CDK8: variants seen among roughly 807,000 people sequenced by gnomAD.
The protein encoded by CDK8 is cyclin dependent kinase 8.
Under a neutral mutation model 71.5 loss-of-function variants are expected in CDK8, and 29 were observed. The ratio of observed to expected loss-of-function variants is 0.41; its 90% CI spans 0.30 to 0.55. CDK8 has a LOEUF of 0.55. Ranked by LOEUF, CDK8 falls within the 20% of genes least tolerant of loss-of-function variation. The pLI is 0.37. For missense variants in CDK8, 288 were observed against 572.6 expected, an observed-to-expected ratio of 0.50 and a Z score of 5.07; for synonymous variants, 161 against 192.1, an observed-to-expected ratio of 0.84 and a Z score of 1.34.
chr13:26,317,924 A>G (rs1037990483), intron 1 of CDK8, among the ~76,000 whole-genome samples: 4 of 152,080 alleles, frequency 2.6e-5, no homozygotes, highest in Non-Finnish European at 4.4e-5. Flanking sequence ...AAGGAAATAA[A>G]AGAGTAGGGG....
intron 1 of CDK8, among the ~76,000 whole-genome samples, chr13:26,325,769 A>AT (rs1257786943): frequency 6.6e-6 from 1 of 152,152 alleles, no homozygotes; most frequent in Admixed American, 6.5e-5. Context: ...TATGATTATC[A>AT]GTGGGGTTCA....
chr13:26,367,139 T>C (rs954174989), intron 4 of CDK8, among the ~76,000 whole-genome samples: 1 of 152,176 alleles, frequency 6.6e-6, no homozygotes, highest in Non-Finnish European at 1.5e-5. Flanking sequence ...CTTCCTTGAT[T>C]GGTCTTCTCT....
At chr13:26,273,122 G>A (rs1302151923) in intron 1 of CDK8, among the ~76,000 whole-genome samples, 3 of 152,072 alleles carry the variant, frequency 2.0e-5, no homozygotes, top group Non-Finnish European at 4.4e-5. Context: ...GGTCTCTAAG[G>A]GGTTGAACTT....
At chr13:26,329,878 T>C (rs1159771807) in intron 1 of CDK8, among the ~76,000 whole-genome samples, 1 of 152,208 alleles carries the variant, frequency 6.6e-6, no homozygotes, top group Non-Finnish European at 1.5e-5. Flanking sequence ...TTTAGTGATA[T>C]TAAACTACTT....
intron 1 of CDK8, among the ~76,000 whole-genome samples, chr13:26,335,181 TTG>T (rs1872924326): frequency 6.6e-6 from 1 of 152,330 alleles, no homozygotes; most frequent in South Asian, 2.1e-4. Context: ...CTTACATATG[TTG>T]TCTTAGTTTA....
chr13:26,376,934 C>T (rs139401262), intron 4 of CDK8, among the ~76,000 whole-genome samples: 45 of 152,082 alleles, frequency 3.0e-4, no homozygotes, highest in East Asian at 1.9e-3. Flanking sequence ...TAGAAATAGA[C>T]GAAAGCAAAA....
Position 26,400,507 on chromosome 13 carries a change from A to C in CDK8, c.988A>C (p.Met330Leu). The change falls in exon 10 of 13, where the codon ATG (methionine) becomes CTG (leucine). Residue 330 changes from methionine to leucine, a missense_variant. Coordinates refer to ENST00000381527, the MANE Select transcript of CDK8 (RefSeq NM_001260.3). ...PIKRITSEQA[M>L]QDPYFLEDPL... The stretch of plus-strand genomic sequence containing the variant: ...AAAGCGAATTACCTCAGAACAGGCT[A>C]TGCAGGACCCCTATTTCTTAGAAGA... 6.2e-7 allele frequency: 1 copy of C among 1,613,474 alleles called. No homozygotes were observed. The highest frequency in any genetic ancestry group is 8.5e-7 in the Non-Finnish European group (1 of 1,179,504).
chr13:26,345,407 A>C (rs1873421297), intron 2 of CDK8, among the ~76,000 whole-genome samples: 1 of 152,008 alleles, frequency 6.6e-6, no homozygotes, highest in African/African-American at 2.4e-5. Flanking sequence ...ATTGAGATGG[A>C]GCCTCACTCT....
intron 1 of CDK8, among the ~76,000 whole-genome samples, chr13:26,279,634 TA>T (rs1566469272): frequency 6.6e-6 from 1 of 152,104 alleles, no homozygotes. Context: ...GGGATTCAAT[TA>T]AAAAAAGACT....
At chr13:26,267,750 A>G (rs1244358110) in intron 1 of CDK8, among the ~76,000 whole-genome samples, 1 of 152,224 alleles carries the variant, frequency 6.6e-6, no homozygotes, top group Non-Finnish European at 1.5e-5. Flanking sequence ...ACAGAACTGC[A>G]ATAAATGTCC....
intron 1 of CDK8, among the ~76,000 whole-genome samples, chr13:26,272,558 C>T (rs1872378738): frequency 6.6e-6 from 1 of 152,154 alleles, no homozygotes; most frequent in African/African-American, 2.4e-5. Context: ...AAGAATAAGT[C>T]AAACTGGAGT....
chr13:26,369,810 C>T (rs1874580254), intron 4 of CDK8, among the ~76,000 whole-genome samples: 1 of 150,840 alleles, frequency 6.6e-6, no homozygotes, highest in Non-Finnish European at 1.5e-5. Flanking sequence ...CCCAGCTCGG[C>T]CTCCCAAAGT....
chr13:26,258,023 G>A (rs1212045871), intron 1 of CDK8, among the ~76,000 whole-genome samples: 1 of 151,964 alleles, frequency 6.6e-6, no homozygotes, highest in African/African-American at 2.4e-5. Flanking sequence ...CTAAATTACT[G>A]AGTAATTAAG....
intron 4 of CDK8, among the ~76,000 whole-genome samples, chr13:26,358,144 A>G (rs1469743980): frequency 2.0e-5 from 3 of 151,540 alleles, no homozygotes; most frequent in Non-Finnish European, 2.9e-5. Flanking sequence ...AAAAAATACA[A>G]AAAAATTAGC....
At chr13:26,320,400 G>T (rs1213600865) in intron 1 of CDK8, among the ~76,000 whole-genome samples, 1 of 151,668 alleles carries the variant, frequency 6.6e-6, no homozygotes, top group Non-Finnish European at 1.5e-5. Flanking sequence ...AACAAAGCAA[G>T]TCCCCATCTC....
chr13:26,318,918 G>C (rs1874633506), intron 1 of CDK8, among the ~76,000 whole-genome samples: 1 of 152,208 alleles, frequency 6.6e-6, no homozygotes, highest in Non-Finnish European at 1.5e-5. Context: ...AAGGATGCCA[G>C]CTTTTACCAC....
chr13:26,330,155 CT>C (rs1390971739), intron 1 of CDK8, among the ~76,000 whole-genome samples: 1 of 152,148 alleles, frequency 6.6e-6, no homozygotes, highest in Non-Finnish European at 1.5e-5. Flanking sequence ...GACTACAGTA[CT>C]TTTTTGTTAA....
At chr13:26,339,966 G>A (rs554494001) in intron 2 of CDK8, among the ~76,000 whole-genome samples, 2 of 151,772 alleles carry the variant, frequency 1.3e-5, no homozygotes, top group East Asian at 3.9e-4. Flanking sequence ...AGTGGTGAGA[G>A]CAGTTATCTT....
At chr13:26,392,471 C>T (rs984713594) in intron 6 of CDK8, among the ~76,000 whole-genome samples, 4 of 151,512 alleles carry the variant, frequency 2.6e-5, no homozygotes, top group South Asian at 4.2e-4. Flanking sequence ...GGGACTATAG[C>T]CGCGTGCCGC....
Sources: allele counts gnomAD v4.1 joint callset (sites outside exome capture counted in the v4.1 genomes callset), GRCh38; gene constraint gnomAD v4.1.1; transcripts MANE v1.5; gene names NCBI Gene and HGNC (gene_info 2026-07-23, HGNC 2026-07-21).